The following CBFA2T2 variants were observed in gnomAD, a reference collection of about 807,000 sequenced individuals.
The protein encoded by CBFA2T2 is CBFA2/RUNX1 partner transcriptional co-repressor 2.
CBFA2T2 carries 11 observed loss-of-function variants against 62.2 expected under a neutral mutation model. The ratio of observed to expected loss-of-function variants is 0.18; its 90% CI spans 0.11 to 0.29. CBFA2T2 has a LOEUF of 0.29. CBFA2T2 is among the 10% of genes least tolerant of loss of function. The pLI is 1.00. For missense variants in CBFA2T2, 592 were observed against 774.1 expected, an observed-to-expected ratio of 0.76 and a Z score of 2.79; for synonymous variants, 295 against 287.5, an observed-to-expected ratio of 1.03 and a Z score of -0.27.
At chr20:33,642,105 CTTTTTT>C (rs576434212) in intron 10 of CBFA2T2, among the ~76,000 whole-genome samples, 5,339 of 73,876 alleles carry the variant, frequency 0.072, 311 homozygotes, top group Admixed American at 0.18. Context: ...CCTCCTTTGT[CTTTTTT>C]TTTTTTGTGT....
intron 4 of CBFA2T2, among the ~76,000 whole-genome samples, chr20:33,622,258 A>T (rs1176847462): frequency 6.6e-6 from 1 of 152,252 alleles, no homozygotes; most frequent in Non-Finnish European, 1.5e-5. Context: ...GCTTTAAAAC[A>T]GTCACTAATT....
At chr20:33,642,108 TTTTTTTTTTGTGTGTGTGTGTG>T (rs1204992164) in intron 10 of CBFA2T2, among the ~76,000 whole-genome samples, 3,236 of 55,370 alleles carry the variant, frequency 0.058, 129 homozygotes, top group African/African-American at 0.15. Flanking sequence ...CCTTTGTCTT[TTTTTTTTTTGTGTGTGTGTGTG>T]TGTGTGTGTG....
At chr20:33,495,190 A>G (rs937811816) in intron 1 of CBFA2T2, among the ~76,000 whole-genome samples, 12 of 151,744 alleles carry the variant, frequency 7.9e-5, no homozygotes, top group Admixed American at 1.3e-4. Context: ...TGAGGTCAGG[A>G]GTTTTGAGAC....
chr20:33,610,176 G>C (rs1046153565), intron 2 of CBFA2T2, among the ~76,000 whole-genome samples: 3 of 152,178 alleles, frequency 2.0e-5, no homozygotes, highest in Non-Finnish European at 4.4e-5. Context: ...TGTAGTCCCA[G>C]CTACTCAGGA....
chr20:33,629,582 G>T (rs2016375431), intron 7 of CBFA2T2, 137 bp from the exon 8 acceptor site: 13 of 796,512 alleles, frequency 1.6e-5, no homozygotes, highest in South Asian at 5.5e-5. Flanking sequence ...AGCAATAAAG[G>T]TTTTAAATGT....
At chr20:33,562,134 C>T (rs913672783) in intron 1 of CBFA2T2, among the ~76,000 whole-genome samples, 3 of 152,066 alleles carry the variant, frequency 2.0e-5, no homozygotes, top group Non-Finnish European at 2.9e-5. Flanking sequence ...AAATGTGAGT[C>T]TGTGTGTCTC....
At chr20:33,635,092 C>T (rs1339629095) in intron 8 of CBFA2T2, among the ~76,000 whole-genome samples, 2 of 152,104 alleles carry the variant, frequency 1.3e-5, no homozygotes, top group African/African-American at 2.4e-5. Context: ...ATTACCAAGA[C>T]CTGCAAGACA....
chr20:33,601,555 G>A (rs576108836), intron 1 of CBFA2T2, among the ~76,000 whole-genome samples: 21 of 152,058 alleles, frequency 1.4e-4, no homozygotes, highest in South Asian at 8.3e-4. Context: ...ATGAGCCACC[G>A]TGCTCAGCCT....
At chr20:33,552,680 A>G (rs997006978) in intron 1 of CBFA2T2, among the ~76,000 whole-genome samples, 1 of 152,168 alleles carries the variant, frequency 6.6e-6, no homozygotes, top group African/African-American at 2.4e-5. Context: ...AACATTTAGG[A>G]AGTGAGACAA....
intron 1 of CBFA2T2, among the ~76,000 whole-genome samples, chr20:33,492,294 C>T (rs565780602): frequency 1.3e-5 from 2 of 151,872 alleles, no homozygotes; most frequent in South Asian, 2.1e-4. Context: ...GCTGGGATTA[C>T]GAGCGTGAGT....
At position 33,644,820 on chromosome 20, in the gene CBFA2T2, T is replaced by C. The variant is rs117837577; in HGVS notation, c.*174T>C. 2 of 676,424 alleles carry C rather than the reference T, an allele frequency of 3.0e-6. No individual in the cohort carries two copies. The highest frequency in any genetic ancestry group is 2.8e-5 in the East Asian group (1 of 35,468). The allele number at this position is 676,424 out of a possible 1,614,324, so 41.9% of individuals were successfully genotyped here. A position where few individuals can be genotyped will look rare whatever the true frequency, so the allele number is the denominator to read the frequency against. On this transcript the variant is annotated 3_prime_UTR_variant, in exon 11 of 11. Coordinates refer to ENST00000342704, the MANE Select transcript of CBFA2T2 (RefSeq NM_001032999.3). ...CCCCACAGCCTCTCTGTGCACTTGC[T>C]GTCTGCGGAGCCAGTGTGCCATTCT...
intron 2 of CBFA2T2, among the ~76,000 whole-genome samples, chr20:33,607,380 A>G (rs1471645963): frequency 6.6e-6 from 1 of 152,186 alleles, no homozygotes; most frequent in African/African-American, 2.4e-5. Flanking sequence ...TAATGAATTT[A>G]AATTATTATA....
chr20:33,588,554 A>T (rs574431520), intron 1 of CBFA2T2, among the ~76,000 whole-genome samples: 38 of 152,042 alleles, frequency 2.5e-4, no homozygotes, highest in South Asian at 2.1e-3. Context: ...ATTTTCCTTT[A>T]TTCCTTAGAT....
intron 8 of CBFA2T2, among the ~76,000 whole-genome samples, chr20:33,635,464 C>G (rs1030987343): frequency 7.2e-5 from 11 of 152,198 alleles, no homozygotes; most frequent in African/African-American, 2.7e-4. Flanking sequence ...GCCTAGAAAG[C>G]GCCCAGTCCA....
chr20:33,498,927 C>T (rs1012156717), intron 1 of CBFA2T2, among the ~76,000 whole-genome samples: 1 of 151,986 alleles, frequency 6.6e-6, no homozygotes, highest in Non-Finnish European at 1.5e-5. Context: ...CCTATCATCT[C>T]AGCTACTCAG....
chr20:33,596,442 T>C (rs1350724049), intron 1 of CBFA2T2, among the ~76,000 whole-genome samples: 1 of 152,248 alleles, frequency 6.6e-6, no homozygotes, highest in African/African-American at 2.4e-5. Context: ...ACAGCTAGCA[T>C]GTATTCCTAT....
At chr20:33,628,481 T>G in intron 7 of CBFA2T2, 46 bp downstream of exon 7, 1 of 1,362,864 alleles carries the variant, frequency 7.3e-7, no homozygotes, top group South Asian at 1.2e-5. Context: ...TTATTACTTT[T>G]TTTTGAAACA....
intron 1 of CBFA2T2, among the ~76,000 whole-genome samples, chr20:33,506,504 C>T (rs528004777): frequency 6.6e-6 from 1 of 152,246 alleles, no homozygotes; most frequent in East Asian, 1.9e-4. Flanking sequence ...GCAGGGATTG[C>T]GCTAAGTGCC....
At chr20:33,636,853 G>C in intron 9 of CBFA2T2, 145 bp downstream of exon 9, 1 of 598,624 alleles carries the variant, frequency 1.7e-6, no homozygotes, top group Non-Finnish European at 3.0e-6. Context: ...TGCCTCTCCT[G>C]CTCTGGCTTG....
Sources: allele counts gnomAD v4.1 joint callset (sites outside exome capture counted in the v4.1 genomes callset), GRCh38; gene constraint gnomAD v4.1.1; transcripts MANE v1.5; gene names NCBI Gene and HGNC (gene_info 2026-07-23, HGNC 2026-07-21).